Variants in CDC42BPB observed in about 807,000 individuals in gnomAD.
CDC42BPB encodes the protein CDC42 binding protein kinase beta, also known as serine/threonine-protein kinase MRCK beta.
A neutral mutation model predicts 214.9 loss-of-function variants in CDC42BPB; 37 were observed. The ratio of observed to expected loss-of-function variants is 0.17; its 90% CI spans 0.13 to 0.23. The LOEUF (loss-of-function observed/expected upper bound fraction) is 0.23. Ranked by LOEUF, CDC42BPB falls within the 10% of genes least tolerant of loss-of-function variation. The pLI, the probability that CDC42BPB is intolerant of heterozygous loss-of-function variation, is 1.00. For synonymous variants in CDC42BPB, 931 were observed against 884.0 expected, an observed-to-expected ratio of 1.05 and a Z score of -0.94; for missense variants, 1,694 against 2,227.0, an observed-to-expected ratio of 0.76 and a Z score of 4.82.
At chr14:103,049,198 T>C (rs974484323) in intron 1 of CDC42BPB, among the ~76,000 whole-genome samples, 22 of 152,222 alleles carry the variant, frequency 1.4e-4, no homozygotes, top group African/African-American at 5.1e-4. Flanking sequence ...AGTACCAGCA[T>C]GCTACACAGA....
At chr14:103,034,540 G>A (rs1479763754) in intron 1 of CDC42BPB, among the ~76,000 whole-genome samples, 5 of 152,246 alleles carry the variant, frequency 3.3e-5, no homozygotes, top group Admixed American at 1.3e-4. Context: ...GAGGCTGGGT[G>A]TGGTGGCTCA....
rs1318657834 is a variant in CDC42BPB, at chr14:102,970,187, G to A, written c.1959C>T (p.Phe653=). 8 of 1,613,980 alleles carry A rather than the reference G, an allele frequency of 5.0e-6. No homozygotes were observed. The highest frequency in any genetic ancestry group is 6.8e-6 in the Non-Finnish European group (8 of 1,180,004). The part of the protein sequence containing the change: ...ERKLREHSEN[F]CKQMESELEA... ...CCAGCTCGCTTTCCATTTGCTTGCA[G>A]AAGTTCTCGCTGTGCTCACGAAGCT... Residue 653 remains phenylalanine (F), a synonymous_variant, in exon 14 of 37, where the codon TTC becomes TTT. Transcript: ENST00000361246.
At chr14:102,982,832 C>A (rs1384099605) in intron 7 of CDC42BPB, among the ~76,000 whole-genome samples, 1 of 151,828 alleles carries the variant, frequency 6.6e-6, no homozygotes, top group Non-Finnish European at 1.5e-5. Context: ...TGAGCCGAGA[C>A]TGCGCCACTG....
chr14:102,963,236 A>G (rs527537449), intron 19 of CDC42BPB, 81 bp from the exon 20 acceptor site: 1 of 1,512,816 alleles, frequency 6.6e-7, no homozygotes, highest in Admixed American at 2.3e-5. Context: ...AGGATGAGAG[A>G]GCCGGGATTT....
rs113321175 is a variant in CDC42BPB, at chr14:103,041,615, C to T, written c.175+15384G>A. On this transcript the variant is annotated intron_variant, in intron 1 of 36. Transcript: ENST00000361246. ...GTGCCCCACATTGCCCTGCACACCGCGTTGGGACCCATCCGGCCCATCGTG... is the reference window on the plus strand; with the variant it reads ...GTGCCCCACATTGCCCTGCACACCGTGTTGGGACCCATCCGGCCCATCGTG... The T allele has an allele frequency of 1.5e-3, 1,163 of 776,030 alleles. 16 individuals are homozygous for T. In the African/African-American group the frequency reaches 0.017, roughly 12 times the overall value. 48.1% of individuals were successfully genotyped at this position (776,030 alleles called of 1,614,324 possible). A position where few individuals can be genotyped will look rare whatever the true frequency, so the allele number is the denominator to read the frequency against.
At chr14:102,954,876 C>T in intron 21 of CDC42BPB, 188 bp from the exon 22 acceptor site, 2 of 959,106 alleles carry the variant, frequency 2.1e-6, no homozygotes, top group Non-Finnish European at 2.5e-6. Context: ...AGCTGGCCGG[C>T]CTGCCCTGAG....
rs749933054 is a variant in CDC42BPB, at chr14:103,057,150, C to T, written c.24G>A (p.Lys8=). The T allele has an allele frequency of 1.1e-4, 164 of 1,492,650 alleles. 1 individual carries two copies. The South Asian group carries it at 2.0e-3, about 18-fold the overall frequency. 92.5% of individuals were successfully genotyped at this position (1,492,650 alleles called of 1,614,324 possible). A position where few individuals can be genotyped will look rare whatever the true frequency, so the allele number is the denominator to read the frequency against. Residue 8 remains lysine (K), a synonymous_variant, in exon 1 of 37, where the codon AAG becomes AAA. Coordinates refer to ENST00000361246, the MANE Select transcript of CDC42BPB (RefSeq NM_006035.4). The part of the protein sequence containing the change: MSAKVRL[K]KLEQLLLDGP... ...CGTCCAGGAGCAGCTGCTCCAGCTTCTTGAGCCGCACCTTGGCCGACATGG... is the reference window on the plus strand; with the variant it reads ...CGTCCAGGAGCAGCTGCTCCAGCTTTTTGAGCCGCACCTTGGCCGACATGG...
intron 5 of CDC42BPB, among the ~76,000 whole-genome samples, chr14:102,990,621 A>T (rs781255592): frequency 6.6e-6 from 1 of 152,200 alleles, no homozygotes; most frequent in African/African-American, 2.4e-5. Context: ...GCCTAGAAGC[A>T]GGCAACCCCA....
At chr14:102,940,008 T>C in intron 32 of CDC42BPB, 38 bp downstream of exon 32, 1 of 1,613,786 alleles carries the variant, frequency 6.2e-7, no homozygotes, top group Non-Finnish European at 8.5e-7. Flanking sequence ...CCCCTCCAAC[T>C]TCCCTTCCCT....
chr14:102,948,651 T>G (rs1177090468), intron 26 of CDC42BPB, among the ~76,000 whole-genome samples: 9 of 38,858 alleles, frequency 2.3e-4, no homozygotes, highest in South Asian at 1.3e-3. Flanking sequence ...GGGGGTGGGT[T>G]TGGAGGTGGG....
intron 1 of CDC42BPB, among the ~76,000 whole-genome samples, chr14:103,045,552 T>TCC (rs1470219322): frequency 1.3e-5 from 2 of 152,144 alleles, no homozygotes; most frequent in Non-Finnish European, 2.9e-5. Flanking sequence ...CTTCAGGTAC[T>TCC]CCCTGCTTCT....
chr14:103,036,293 C>G (rs1243478969), intron 1 of CDC42BPB, among the ~76,000 whole-genome samples: 1 of 151,500 alleles, frequency 6.6e-6, no homozygotes, highest in East Asian at 1.9e-4. Flanking sequence ...GCTGGGACTA[C>G]AGGCACCCGC....
At chr14:102,972,633 G>A (rs554669240) in intron 12 of CDC42BPB, among the ~76,000 whole-genome samples, 104 of 140,640 alleles carry the variant, frequency 7.4e-4, no homozygotes, top group African/African-American at 2.6e-3. Flanking sequence ...AGGTTGCAGT[G>A]AGCCGAGATT....
Position 103,057,026 on chromosome 14 carries a change from T to G in CDC42BPB, c.148A>C (p.Lys50Gln), listed in dbSNP as rs774279882. 6.7e-6 allele frequency: 10 copies of G among 1,498,304 alleles called. No individual in the cohort carries two copies. The highest frequency in any genetic ancestry group is 1.3e-5 in the South Asian group (1 of 79,704). 92.8% of individuals were successfully genotyped at this position (1,498,304 alleles called of 1,614,324 possible). A position where few individuals can be genotyped will look rare whatever the true frequency, so the allele number is the denominator to read the frequency against. ...ECSHSALRRD[K>Q]YVAEFLEWAK... is the part of the protein sequence containing the mutation. ...CACTCGAGGAACTCGGCCACGTACT[T>G]GTCGCGGCGCAGGGCCGAGTGGCTG... Residue 50 changes from lysine to glutamine, a missense_variant, in exon 1 of 37, where the codon AAG (lysine) becomes CAG (glutamine). Transcript: ENST00000361246.
At chr14:103,046,337 T>C (rs1217246621) in intron 1 of CDC42BPB, among the ~76,000 whole-genome samples, 1 of 152,136 alleles carries the variant, frequency 6.6e-6, no homozygotes, top group Non-Finnish European at 1.5e-5. Context: ...CCATGCTCTA[T>C]TTCCTCATGG....
At chr14:103,012,340 A>G in intron 1 of CDC42BPB, 152 bp from the exon 2 acceptor site, 1 of 1,429,878 alleles carries the variant, frequency 7.0e-7, no homozygotes, top group Non-Finnish European at 9.1e-7. Context: ...GTGAGCACTT[A>G]TACCAATGGA....
intron 36 of CDC42BPB, among the ~76,000 whole-genome samples, chr14:102,934,604 A>G (rs1341977079): frequency 6.6e-6 from 1 of 152,074 alleles, no homozygotes. Flanking sequence ...CAAGCAGTCA[A>G]AGTCACAAAC....
chr14:103,056,055 T>C (rs1888929875), intron 1 of CDC42BPB, among the ~76,000 whole-genome samples: 1 of 152,244 alleles, frequency 6.6e-6, no homozygotes, highest in African/African-American at 2.4e-5. Flanking sequence ...AGTTTCACGC[T>C]GCACTTTTAC....
chr14:103,004,040 G>A lies in CDC42BPB; in HGVS notation c.352-17C>T, dbSNP rs1015498443. 4.4e-6 allele frequency: 7 copies of A among 1,586,922 alleles called. No individual in the cohort carries two copies. The highest frequency in any genetic ancestry group is 1.1e-5 in the South Asian group (1 of 88,946). Reference sequence around the variant, plus strand: ...GCACGCGGTCTGCAAAGCAACGAGGGGTGTCAGTCTGTGTTCACTGGGAAG... The same window carrying A: ...GCACGCGGTCTGCAAAGCAACGAGGAGTGTCAGTCTGTGTTCACTGGGAAG... On this transcript the variant is annotated splice_polypyrimidine_tract_variant and intron_variant, in intron 3 of 36. Coordinates refer to ENST00000361246, the MANE Select transcript of CDC42BPB (RefSeq NM_006035.4). This position sits in a 1 kb window ranked among gnomAD's most constrained non-coding sequence, Gnocchi z 5.3.
Sources: allele counts gnomAD v4.1 joint callset (sites outside exome capture counted in the v4.1 genomes callset), GRCh38; gene constraint gnomAD v4.1.1; non-coding constraint Gnocchi (gnomAD v3.1); transcripts MANE v1.5; gene names NCBI Gene and HGNC (gene_info 2026-07-23, HGNC 2026-07-21).